Variants in SMAD6 observed in about 807,000 individuals in gnomAD.
The protein encoded by SMAD6 is MAD homolog 6.
SMAD6 carries 103 observed loss-of-function variants against 39.4 expected under a neutral mutation model. The observed-to-expected ratio is 2.62, with a 90% confidence interval of 2.23 to 3.08. The LOEUF is 3.08. Among genes scored for constraint, SMAD6 ranks in the 30% most tolerant of loss-of-function variants. The probability of loss-of-function intolerance (pLI) is 0.00; values close to 1 mark genes in which losing one functional copy is unlikely to be tolerated. For synonymous variants in SMAD6, 445 were observed against 353.3 expected, an observed-to-expected ratio of 1.26 and a Z score of -2.91; for missense variants, 1,104 against 742.9, an observed-to-expected ratio of 1.49 and a Z score of -5.65.
At chr15:66,738,188 A>T (rs1441570623) in intron 3 of SMAD6, among the ~76,000 whole-genome samples, 1 of 152,128 alleles carries the variant, frequency 6.6e-6, no homozygotes, top group African/African-American at 2.4e-5. Context: ...ATAGCTGGGG[A>T]CACAGATGAA....
chr15:66,716,344 A>C, intron 2 of SMAD6, 77 bp from the exon 3 acceptor site: 2 of 1,013,368 alleles, frequency 2.0e-6, no homozygotes, highest in Non-Finnish European at 3.2e-6. Flanking sequence ...GCACATGTAC[A>C]GAGATGCATG....
At chr15:66,717,504 C>CAAATGTACCTTCAAT (rs764811816) in intron 3 of SMAD6, 6 of 446,252 alleles carry the variant, frequency 1.3e-5, no homozygotes, top group African/African-American at 1.2e-4. Flanking sequence ...CTGCAAGGGC[C>CAAATGTACCTTCAAT]AAATGTACCT....
intron 3 of SMAD6, among the ~76,000 whole-genome samples, chr15:66,726,543 C>G (rs753684288): frequency 3.3e-5 from 5 of 152,140 alleles, no homozygotes; most frequent in Non-Finnish European, 7.4e-5. Flanking sequence ...GTAGGCAGAC[C>G]CTGTCTCCTG....
chr15:66,736,039 A>C (rs1299968235), intron 3 of SMAD6, among the ~76,000 whole-genome samples: 2 of 152,172 alleles, frequency 1.3e-5, no homozygotes, highest in Admixed American at 1.3e-4. Context: ...AACCTCTACT[A>C]GAACAAAGTT....
chr15:66,709,101 C>T (rs958611093), intron 1 of SMAD6, among the ~76,000 whole-genome samples: 9 of 152,190 alleles, frequency 5.9e-5, no homozygotes, highest in Admixed American at 2.0e-4. Flanking sequence ...CCCAAGGCCT[C>T]TTCTGTCTTT....
chr15:66,763,140 A>C (rs901241972), intron 3 of SMAD6, among the ~76,000 whole-genome samples: 20 of 152,282 alleles, frequency 1.3e-4, no homozygotes, highest in Non-Finnish European at 2.1e-4. Flanking sequence ...TCTGCTGAGC[A>C]CCTCCAGAAC....
At chr15:66,719,106 G>C (rs1008509610) in intron 3 of SMAD6, among the ~76,000 whole-genome samples, 1 of 152,242 alleles carries the variant, frequency 6.6e-6, no homozygotes, top group Non-Finnish European at 1.5e-5. Context: ...AGACAGGTGT[G>C]ATTCTCCCCA....
intron 3 of SMAD6, among the ~76,000 whole-genome samples, chr15:66,738,953 A>G (rs1047781422): frequency 1.3e-5 from 2 of 152,070 alleles, no homozygotes; most frequent in African/African-American, 2.4e-5. Flanking sequence ...TCTGGCTGCA[A>G]ATGGGACCCG....
intron 3 of SMAD6, among the ~76,000 whole-genome samples, chr15:66,740,184 C>T (rs934843635): frequency 6.6e-6 from 1 of 152,248 alleles, no homozygotes; most frequent in Non-Finnish European, 1.5e-5. Flanking sequence ...CTCACCCTGG[C>T]AGTCCTCCCC....
Position 66,781,143 on chromosome 15 carries a change from TGCCTGGGCCAGCTCAACCTGGA to T in SMAD6, c.1102_1123del (p.Leu368SerfsTer164). 6.2e-7 allele frequency: 1 copy of T among 1,608,488 alleles called. No homozygotes were observed. The highest frequency in any genetic ancestry group is 8.5e-7 in the Non-Finnish European group (1 of 1,179,776). On this transcript the variant is annotated frameshift_variant, in exon 4 of 4. Coordinates refer to ENST00000288840, the MANE Select transcript of SMAD6 (RefSeq NM_005585.5). LOFTEE classifies it high-confidence loss of function. ...CGACCTACCTCAGGGCAGCGGCTTC[TGCCTGGGCCAGCTCAACCTGGA>T]GCAGCGCAGCGAGTCGGTGCGGCGA...
chr15:66,737,030 C>T (rs1440188739), intron 3 of SMAD6, among the ~76,000 whole-genome samples: 8 of 152,198 alleles, frequency 5.3e-5, no homozygotes, highest in Non-Finnish European at 8.8e-5. Flanking sequence ...CAAGGATCAT[C>T]GGCCTGGGCC....
At chr15:66,759,481 C>G (rs1327085515) in intron 3 of SMAD6, among the ~76,000 whole-genome samples, 1 of 152,220 alleles carries the variant, frequency 6.6e-6, no homozygotes, top group Non-Finnish European at 1.5e-5. Context: ...CACCTGTCAC[C>G]TGAGCAGTGT....
chr15:66,726,635 C>T (rs1289839142), intron 3 of SMAD6, among the ~76,000 whole-genome samples: 1 of 152,132 alleles, frequency 6.6e-6, no homozygotes, highest in Non-Finnish European at 1.5e-5. Context: ...TCCTCTGAGT[C>T]TAAAGGTAGC....
chr15:66,723,711 A>C (rs1420112236), intron 3 of SMAD6, among the ~76,000 whole-genome samples: 1 of 152,178 alleles, frequency 6.6e-6, no homozygotes, highest in Non-Finnish European at 1.5e-5. Flanking sequence ...AAAACAAAGA[A>C]GAATTTATTA....
intron 3 of SMAD6, among the ~76,000 whole-genome samples, chr15:66,736,491 C>A (rs1323061118): frequency 2.0e-5 from 3 of 152,156 alleles, no homozygotes. Flanking sequence ...ATGGGTACAG[C>A]ACTAACAAAA....
intron 3 of SMAD6, among the ~76,000 whole-genome samples, chr15:66,768,700 ACT>A (rs1221445509): frequency 1.3e-5 from 2 of 152,176 alleles, no homozygotes; most frequent in Non-Finnish European, 2.9e-5. Context: ...CATCAGTAGT[ACT>A]CTCTGTTAAA....
chr15:66,758,022 C>T (rs921795107), intron 3 of SMAD6, among the ~76,000 whole-genome samples: 4 of 152,270 alleles, frequency 2.6e-5, no homozygotes, highest in Non-Finnish European at 2.9e-5. Flanking sequence ...CTCCTTCAAG[C>T]GAATTCCACA....
At chr15:66,705,649 C>T (rs1327652755) in intron 1 of SMAD6, 1 of 152,144 alleles carries the variant, frequency 6.6e-6, no homozygotes, top group Non-Finnish European at 1.5e-5. Flanking sequence ...CAGTGTGCAG[C>T]AGATGTTTGT....
At chr15:66,755,169 G>T (rs1396191081) in intron 3 of SMAD6, among the ~76,000 whole-genome samples, 1 of 152,172 alleles carries the variant, frequency 6.6e-6, no homozygotes. Context: ...CTTCCTAAGG[G>T]TATGGGGGTG....
Sources: allele counts gnomAD v4.1 joint callset (sites outside exome capture counted in the v4.1 genomes callset), GRCh38; gene constraint gnomAD v4.1.1; transcripts MANE v1.5; gene names NCBI Gene and HGNC (gene_info 2026-07-23, HGNC 2026-07-21).